RAB37: variants seen among roughly 807,000 people sequenced by gnomAD.
RAB37 encodes RAB37, member RAS oncogene family.
Under a neutral mutation model 33.1 loss-of-function variants are expected in RAB37, and 29 were observed. The observed-to-expected ratio is 0.88, with a 90% CI of 0.65 to 1.20. The LOEUF (loss-of-function observed/expected upper bound fraction) is 1.20, where lower values mean the gene tolerates loss of function less well. Among genes scored for constraint, RAB37 ranks in the 50% most tolerant of loss-of-function variants. RAB37 has a pLI of 0.00. For synonymous variants in RAB37, 128 were observed against 119.5 expected (o/e 1.07, Z -0.47); for missense variants, 299 against 301.1 (o/e 0.99, Z 0.05).
At chr17:74,737,101 C>G (rs1373930326), upstream of RAB37, 1 of 1,603,922 alleles carries the variant, frequency 6.2e-7, no homozygotes. Flanking sequence ...CTCTGCGTGC[C>G]CTCAGGGAAC....
intron 1 of RAB37, among the ~76,000 whole-genome samples, chr17:74,725,737 C>T (rs1365842066): frequency 6.6e-6 from 1 of 151,852 alleles, no homozygotes; most frequent in Non-Finnish European, 1.5e-5. Context: ...GATTCTCCTG[C>T]CTCAGCCTCC....
At chr17:74,726,411 C>T (rs536977588) in intron 1 of RAB37, among the ~76,000 whole-genome samples, 71 of 151,908 alleles carry the variant, frequency 4.7e-4, no homozygotes, top group Admixed American at 1.6e-3. Context: ...ATGGAAACTC[C>T]TCACCCTGGA....
At chr17:74,677,129 GAC>G (rs1168736133) in intron 1 of RAB37, among the ~76,000 whole-genome samples, 2 of 151,978 alleles carry the variant, frequency 1.3e-5, no homozygotes, top group Non-Finnish European at 2.9e-5. Flanking sequence ...CAGCCTGGGT[GAC>G]AGAGTGAGAC....
chr17:74,735,985 C>G (rs2034469070), upstream of RAB37, among the ~76,000 whole-genome samples: 2 of 152,132 alleles, frequency 1.3e-5, no homozygotes. Flanking sequence ...GTGGGCGGAC[C>G]GCCTGAGGTC....
chr17:74,733,489 T>TGGTGC (rs1567811760), upstream of RAB37, among the ~76,000 whole-genome samples: 1 of 129,658 alleles, frequency 7.7e-6, no homozygotes, highest in Non-Finnish European at 1.7e-5. Context: ...GTGAGGTGTG[T>TGGTGC]GGTGTGATTT....
Position 74,737,311 on chromosome 17 carries a change from C to T in RAB37, c.39C>T (p.Gly13=), listed in dbSNP as rs1318511359. The T allele has an allele frequency of 6.3e-7, 1 of 1,576,800 alleles. No individual in the cohort carries two copies. The part of the protein sequence containing the change: ...GTPGAVATRD[G]EAPERSPPCS... The stretch of plus-strand genomic sequence containing the variant: ...CAGGCGCCGTTGCCACCCGGGATGG[C>T]GAGGCCCCCGAGCGCTCCCCGCCCT... Residue 13 remains glycine (G), a synonymous_variant, in exon 1 of 9, where the codon GGC becomes GGT. Transcript: ENST00000392613.
intron 1 of RAB37, among the ~76,000 whole-genome samples, chr17:74,692,449 C>G (rs1350647836): frequency 6.6e-6 from 1 of 152,100 alleles, no homozygotes; most frequent in Non-Finnish European, 1.5e-5. Context: ...GTCACCAATG[C>G]CAGATGCCCT....
rs781012986 is a variant in RAB37, at chr17:74,671,604, C to A, written c.18C>A (p.Pro6=). 6.2e-7 allele frequency: 1 copy of A among 1,614,194 alleles called. No homozygotes were observed. Among genetic ancestry groups the A allele is most frequent in the Non-Finnish European group, 8.5e-7 (1 of 1,180,020 alleles). Reference sequence around the variant, plus strand: ...AGCCTGGCATGGACCTGCAGAGACCCGATTCCTACCAGGGAGGAGCTGGCC... The same window carrying A: ...AGCCTGGCATGGACCTGCAGAGACCAGATTCCTACCAGGGAGGAGCTGGCC... Residue 6 remains proline, a synonymous_variant, in exon 1 of 8, where the codon CCC becomes CCA. Transcript: ENST00000340415. The surrounding 1 kb of genome is among the most constrained non-coding windows in gnomAD (Gnocchi z 5.0).
intron 1 of RAB37, among the ~76,000 whole-genome samples, chr17:74,726,257 T>C (rs148820999): frequency 0.02 from 2,896 of 142,898 alleles, 56 homozygotes; most frequent in Non-Finnish European, 0.031. Context: ...AAAAAGACCA[T>C]GACCAATATG....
chr17:74,741,000 G>A lies in RAB37; in HGVS notation c.204+122G>A, dbSNP rs1323330625. ...GACTCCCGAGGCTCATGCCTGGAGG[G>A]CACACAACCCGCTCCCCCAAGACCA... On this transcript the variant is annotated intron_variant, in intron 2 of 8. Coordinates refer to ENST00000392613, the MANE Select transcript of RAB37 (RefSeq NM_001006638.3). The A allele has an allele frequency of 8.1e-6, 6 of 737,216 alleles. No homozygotes were observed. The Admixed American group carries it at 8.5e-5, about 10-fold the overall frequency. 45.7% of individuals were successfully genotyped at this position (737,216 alleles called of 1,614,324 possible). A position where few individuals can be genotyped will look rare whatever the true frequency, so the allele number is the denominator to read the frequency against.
At chr17:74,685,468 G>A (rs575961079) in intron 1 of RAB37, among the ~76,000 whole-genome samples, 17 of 152,268 alleles carry the variant, frequency 1.1e-4, no homozygotes, top group Non-Finnish European at 2.1e-4. Flanking sequence ...GATTACAGGC[G>A]TGAACCACTG....
At chr17:74,675,261 C>T (rs2031802862) in intron 1 of RAB37, among the ~76,000 whole-genome samples, 1 of 151,824 alleles carries the variant, frequency 6.6e-6, no homozygotes, top group Non-Finnish European at 1.5e-5. Flanking sequence ...ATGGTGAAAC[C>T]CCATTTCTAC....
chr17:74,693,956 G>A (rs2032221846), intron 1 of RAB37, among the ~76,000 whole-genome samples: 1 of 151,998 alleles, frequency 6.6e-6, no homozygotes, highest in African/African-American at 2.4e-5. Context: ...TCCAGCATCT[G>A]TAAATGAGCA....
At chr17:74,704,363 A>G (rs2033333580) in intron 1 of RAB37, 1 of 782,206 alleles carries the variant, frequency 1.3e-6, no homozygotes. Flanking sequence ...GTTCTATGAG[A>G]CTCGGGACTC....
chr17:74,739,380 G>A (rs780035443), intron 1 of RAB37, among the ~76,000 whole-genome samples: 11 of 152,046 alleles, frequency 7.2e-5, no homozygotes, highest in Non-Finnish European at 1.5e-4. Flanking sequence ...TACCTCCTTG[G>A]TACTCCTGCC....
chr17:74,722,014 A>G (rs901532113), intron 1 of RAB37, among the ~76,000 whole-genome samples: 10 of 151,944 alleles, frequency 6.6e-5, no homozygotes, highest in Admixed American at 5.3e-4. Flanking sequence ...GAGATTTGTC[A>G]GCCAGGCACA....
At chr17:74,728,962 T>C (rs1257227897) in intron 1 of RAB37, among the ~76,000 whole-genome samples, 1 of 152,062 alleles carries the variant, frequency 6.6e-6, no homozygotes, top group Non-Finnish European at 1.5e-5. Context: ...TGTGTATGTG[T>C]TGTACATGTG....
At chr17:74,731,400 G>C (rs2034382843) in intron 2 of RAB37, among the ~76,000 whole-genome samples, 1 of 152,222 alleles carries the variant, frequency 6.6e-6, no homozygotes, top group Admixed American at 6.5e-5. Flanking sequence ...AGGAGCCAGA[G>C]GTGAGCAGGG....
At chr17:74,739,950 A>T (rs1471986140) in intron 1 of RAB37, among the ~76,000 whole-genome samples, 1 of 151,588 alleles carries the variant, frequency 6.6e-6, no homozygotes, top group Non-Finnish European at 1.5e-5. Context: ...TGAGGTCGGG[A>T]GTTCAAGACC....
Sources: gnomAD v4.1 joint callset for allele counts (sites outside exome capture counted in the v4.1 genomes callset) on GRCh38, gnomAD v4.1.1 for gene constraint, Gnocchi (gnomAD v3.1) non-coding constraint, MANE v1.5 for transcripts, NCBI Gene and HGNC (gene_info 2026-07-23, HGNC 2026-07-21) for gene names.